The following CACNA2D1 variants were observed in gnomAD, a reference collection of about 807,000 sequenced individuals.
CACNA2D1 encodes calcium voltage-gated channel auxiliary subunit alpha2delta 1.
CACNA2D1 carries 53 observed loss-of-function variants against 171.5 expected under a neutral mutation model. The ratio of observed to expected loss-of-function variants is 0.31; its 90% CI spans 0.25 to 0.39. The LOEUF (loss-of-function observed/expected upper bound fraction) is 0.39. Among genes scored for constraint, CACNA2D1 ranks in the 10% least tolerant of loss-of-function variants. The pLI is 1.00. For synonymous variants in CACNA2D1, 442 were observed against 443.1 expected (o/e 1.00, Z 0.03); for missense variants, 903 against 1,299.8 (o/e 0.69, Z 4.69).
At chr7:82,403,727 T>C (rs1826712488) in intron 1 of CACNA2D1, among the ~76,000 whole-genome samples, 2 of 152,306 alleles carry the variant, frequency 1.3e-5, no homozygotes, top group Admixed American at 1.3e-4. Context: ...ATATGGATAC[T>C]ACATCATGGG....
chr7:82,142,962 T>G (rs1047788038), intron 4 of CACNA2D1, among the ~76,000 whole-genome samples: 5 of 152,146 alleles, frequency 3.3e-5, no homozygotes, highest in Non-Finnish European at 7.4e-5. Flanking sequence ...CTGTTGTACC[T>G]GGGATGAGTT....
intron 6 of CACNA2D1, among the ~76,000 whole-genome samples, chr7:82,111,790 A>G (rs1271799387): frequency 6.6e-6 from 1 of 152,054 alleles, no homozygotes; most frequent in Non-Finnish European, 1.5e-5. Context: ...GTTTTTATCA[A>G]GGTATAATTA....
chr7:82,440,023 A>C (rs1445748904), intron 1 of CACNA2D1, among the ~76,000 whole-genome samples: 7 of 151,866 alleles, frequency 4.6e-5, no homozygotes, highest in Non-Finnish European at 1.5e-5. Context: ...TTATAGCCTT[A>C]AATACAAATT....
At chr7:82,170,033 A>C (rs2129146936) in intron 4 of CACNA2D1, among the ~76,000 whole-genome samples, 1 of 151,996 alleles carries the variant, frequency 6.6e-6, no homozygotes, top group African/African-American at 2.4e-5. Context: ...TTCTCAAAGT[A>C]GGCCAGAGTA....
chr7:81,956,074 AC>A (rs1182869058), intron 38 of CACNA2D1, among the ~76,000 whole-genome samples: 23 of 136,654 alleles, frequency 1.7e-4, no homozygotes, highest in Non-Finnish European at 2.1e-4. Flanking sequence ...TGCAACTTCC[AC>A]CTCCTAGGCT....
chr7:81,949,137 A>G lies in CACNA2D1; in HGVS notation c.*1255T>C, dbSNP rs1376126066. 3.9e-5 allele frequency: 6 copies of G among 152,048 alleles called. No homozygotes were observed. The highest frequency in any genetic ancestry group is 1.2e-4 in the African/African-American group (5 of 41,450). The allele number at this position is 152,048 out of a possible 1,614,324, so 9.4% of individuals were successfully genotyped here. On this transcript the variant is annotated 3_prime_UTR_variant, in exon 39 of 39. Transcript: ENST00000356860. ...TGTATGTGCTACTATTGAAACGAAC[A>G]AAGAGGAAACCTAGGATGAATCTTC...
rs1427206695 is a variant in CACNA2D1 at position 82,217,359 on chromosome 7, AT to A, written c.295-46751del. On this transcript the variant is annotated intron_variant, in intron 3 of 38. Coordinates refer to ENST00000356860, the MANE Select transcript of CACNA2D1 (RefSeq NM_000722.4). Reference sequence around the variant, plus strand: ...TGCATCCTGCCTTTTTAAAAAAAAAATATATATATACACACATATACACACA... The same window carrying A: ...TGCATCCTGCCTTTTTAAAAAAAAAAATATATATACACACATATACACACA... Among the ~76,000 whole-genome samples the A allele has an allele frequency of 4.6e-4, 43 of 94,504 alleles. 1 individual carries two copies. Among genetic ancestry groups the A allele is most frequent in the East Asian group, 2.8e-3 (11 of 3,918 alleles). 62.0% of individuals were successfully genotyped at this position (94,504 alleles called of 152,430 possible).
chr7:82,419,198 T>TG (rs1031937636), intron 1 of CACNA2D1, among the ~76,000 whole-genome samples: 1 of 152,118 alleles, frequency 6.6e-6, no homozygotes, highest in Middle Eastern at 3.2e-3. Flanking sequence ...TTTACTGTTT[T>TG]GGGGTCTCTG....
chr7:82,256,671 T>C (rs958636222), intron 3 of CACNA2D1, among the ~76,000 whole-genome samples: 1 of 152,214 alleles, frequency 6.6e-6, no homozygotes, highest in African/African-American at 2.4e-5. Context: ...AATGACTTTA[T>C]TGTCTTATTT....
chr7:82,193,658 CTT>C (rs1328738638), intron 3 of CACNA2D1, among the ~76,000 whole-genome samples: 1 of 151,956 alleles, frequency 6.6e-6, no homozygotes, highest in African/African-American at 2.4e-5. Context: ...TTCCGAATCA[CTT>C]TTACAATGTT....
chr7:82,327,845 T>G (rs535670379), intron 3 of CACNA2D1, among the ~76,000 whole-genome samples: 1 of 152,194 alleles, frequency 6.6e-6, no homozygotes, highest in South Asian at 2.1e-4. Context: ...TAAGATACTT[T>G]CCTAGTTGTT....
intron 3 of CACNA2D1, among the ~76,000 whole-genome samples, chr7:82,320,721 C>T (rs972117209): frequency 4.0e-5 from 6 of 151,706 alleles, no homozygotes; most frequent in Non-Finnish European, 8.8e-5. Context: ...CTCCCATATG[C>T]TGTTAGACAC....
At chr7:82,385,972 A>G (rs1196921046) in intron 1 of CACNA2D1, among the ~76,000 whole-genome samples, 1 of 152,094 alleles carries the variant, frequency 6.6e-6, no homozygotes, top group Admixed American at 6.6e-5. Flanking sequence ...GTCTATTTTT[A>G]TTATATAATA....
intron 3 of CACNA2D1, among the ~76,000 whole-genome samples, chr7:82,182,091 T>C (rs1290779628): frequency 6.6e-6 from 1 of 152,194 alleles, no homozygotes; most frequent in African/African-American, 2.4e-5. Context: ...CTTCCTTTTT[T>C]CCTTTCTTTC....
At chr7:82,061,831 G>T (rs1806964397) in intron 9 of CACNA2D1, among the ~76,000 whole-genome samples, 1 of 152,162 alleles carries the variant, frequency 6.6e-6, no homozygotes, top group Non-Finnish European at 1.5e-5. Flanking sequence ...TGGCCCTCTT[G>T]TGCTGAGCCC....
intron 10 of CACNA2D1, among the ~76,000 whole-genome samples, chr7:82,060,178 A>ATTATATATATAATATATATATAAT (rs1491430009): frequency 3.1e-4 from 5 of 15,922 alleles, no homozygotes; most frequent in African/African-American, 8.4e-4. Flanking sequence ...ATATATATAT[A>ATTATATATATAATATATATATAAT]ATATATATAT....
chr7:82,011,469 C>A (rs1275528683), intron 15 of CACNA2D1, among the ~76,000 whole-genome samples: 1 of 152,066 alleles, frequency 6.6e-6, no homozygotes, highest in African/African-American at 2.4e-5. Context: ...AAAAGACCCC[C>A]TTGTTGAGAA....
intron 9 of CACNA2D1, among the ~76,000 whole-genome samples, chr7:82,063,567 T>C (rs1807224877): frequency 6.6e-6 from 1 of 151,678 alleles, no homozygotes; most frequent in African/African-American, 2.4e-5. Flanking sequence ...ATTTTTTTTT[T>C]TTTTTCCTCA....
intron 27 of CACNA2D1, among the ~76,000 whole-genome samples, chr7:81,970,337 G>T (rs952875689): frequency 2.6e-5 from 4 of 151,314 alleles, no homozygotes; most frequent in South Asian, 2.1e-4. Flanking sequence ...AAGAGTGAAA[G>T]ATAATAAAGT....
Sources: allele counts gnomAD v4.1 joint callset (sites outside exome capture counted in the v4.1 genomes callset), GRCh38; gene constraint gnomAD v4.1.1; transcripts MANE v1.5; gene names NCBI Gene and HGNC (gene_info 2026-07-23, HGNC 2026-07-21).